Variants in IL10RB observed in about 807,000 individuals in gnomAD.
The protein encoded by IL10RB is interleukin-10 receptor subunit beta.
IL10RB carries 30 observed loss-of-function variants against 38.7 expected under a neutral mutation model. The ratio of observed to expected loss-of-function variants is 0.78; its 90% CI spans 0.58 to 1.05. IL10RB has a LOEUF of 1.05. Among genes scored for constraint, IL10RB ranks in the 50% least tolerant of loss-of-function variants. The pLI is 0.00. For synonymous variants in IL10RB, 142 were observed against 145.9 expected (o/e 0.97, Z 0.19); for missense variants, 328 against 397.1 (o/e 0.83, Z 1.48).
chr21:33,266,556 G>A, intron 1 of IL10RB, 42 bp downstream of exon 1: 1 of 1,531,260 alleles, frequency 6.5e-7, no homozygotes, highest in Non-Finnish European at 8.8e-7. Flanking sequence ...GGAACCGGGA[G>A]GCCCCGCGAG....
At position 33,289,148 on chromosome 21, in the gene IL10RB, C is replaced by T. The variant is rs554065680; in HGVS notation, c.804+887C>T. ...GCGTGTGAACTCCACATTGGCCATGCGCTGGATGTGGGCTACTCCCAGGAA... is the reference window on the plus strand; with the variant it reads ...GCGTGTGAACTCCACATTGGCCATGTGCTGGATGTGGGCTACTCCCAGGAA... On this transcript the variant is annotated intron_variant, in intron 6 of 6. Transcript: ENST00000290200. 1.7e-4 allele frequency among the ~76,000 whole-genome samples: 26 copies of T among 152,258 alleles called. No homozygotes were observed. In the East Asian group the frequency reaches 3.1e-3, roughly 18 times the overall value.
intron 5 of IL10RB, among the ~76,000 whole-genome samples, chr21:33,287,725 A>G (rs541672948): frequency 1.3e-5 from 2 of 152,274 alleles, no homozygotes; most frequent in Non-Finnish European, 1.5e-5. Context: ...TCAATATAGA[A>G]CGAGATGGTG....
At chr21:33,269,777 G>GCCTCCC (rs377597345) in intron 2 of IL10RB, among the ~76,000 whole-genome samples, 47 of 151,528 alleles carry the variant, frequency 3.1e-4, no homozygotes, top group African/African-American at 1.1e-3. Flanking sequence ...TCCTGCCTCA[G>GCCTCCC]CCTCCCGAGT....
rs140424938 is a variant in IL10RB, at chr21:33,270,856, G to A, written c.173+2339G>A. Among the ~76,000 whole-genome samples, 967 of 151,766 alleles carry A rather than the reference G, an allele frequency of 6.4e-3. 13 individuals carry two copies. The highest frequency in any genetic ancestry group is 0.023 in the African/African-American group (936 of 41,334). On this transcript the variant is annotated intron_variant, in intron 2 of 6. Transcript: ENST00000290200. ...TGCCCAACTGATTTTTGTACTTCTA[G>A]CAGAGATGGGGTTTCACCATGTTGG...
chr21:33,279,797 C>T lies in IL10RB; in HGVS notation c.377C>T (p.Ser126Phe). The change falls in exon 4 of 7, where the codon TCT becomes TTT. Residue 126 changes from serine (S) to phenylalanine (F), a missense_variant. Ser to Phe is a radical substitution (Grantham distance 155). Coordinates refer to ENST00000290200, the MANE Select transcript of IL10RB (RefSeq NM_000628.5). ...PGMQVEVLAD[S>F]LHMRFLAPKI... The stretch of plus-strand genomic sequence containing the variant: ...ATGCAAGTAGAAGTACTTGCTGATT[C>T]TTTACATATGCGTTTCTTAGCCCCT... 1 of 1,613,824 alleles carries T rather than the reference C, an allele frequency of 6.2e-7. No individual in the cohort carries two copies. Among genetic ancestry groups the T allele is most frequent in the Non-Finnish European group, 8.5e-7 (1 of 1,179,734 alleles).
intron 1 of IL10RB, among the ~76,000 whole-genome samples, chr21:33,306,572 G>A (rs2082999327): frequency 6.6e-6 from 1 of 152,062 alleles, no homozygotes; most frequent in South Asian, 2.1e-4. Flanking sequence ...TTGGGGGGTG[G>A]GGTTGTTTGG....
Position 33,296,369 on chromosome 21 carries a change from G to A in IL10RB, c.*12G>A. 1 of 1,612,074 alleles carries A rather than the reference G, an allele frequency of 6.2e-7. No individual in the cohort carries two copies. The highest frequency in any genetic ancestry group is 8.5e-7 in the Non-Finnish European group (1 of 1,179,744). ...GGCCCCAAAGCTAGGCTCTGAGAAG[G>A]AAACACACTCGGCTGGGCACAGTGA... On this transcript the variant is annotated 3_prime_UTR_variant, in exon 7 of 7. Coordinates refer to ENST00000290200, the MANE Select transcript of IL10RB (RefSeq NM_000628.5).
At chr21:33,292,684 C>T (rs1215907200) in intron 6 of IL10RB, among the ~76,000 whole-genome samples, 1 of 152,160 alleles carries the variant, frequency 6.6e-6, no homozygotes, top group Non-Finnish European at 1.5e-5. Flanking sequence ...TGCAGATGGC[C>T]CCGCCTGACC....
At chr21:33,274,976 A>G (rs1430371973) in intron 2 of IL10RB, among the ~76,000 whole-genome samples, 1 of 152,122 alleles carries the variant, frequency 6.6e-6, no homozygotes, top group Non-Finnish European at 1.5e-5. Flanking sequence ...TACATTAAAA[A>G]TCTGTTGTTT....
intron 6 of IL10RB, among the ~76,000 whole-genome samples, chr21:33,295,357 G>GAAA (rs59137986): frequency 3.6e-5 from 2 of 55,866 alleles, no homozygotes; most frequent in African/African-American, 6.6e-5. Flanking sequence ...GACTCCGTCT[G>GAAA]AAAAAAAAAA....
chr21:33,283,042 G>T (rs184365370), intron 4 of IL10RB, 52 bp from the exon 5 acceptor site: 1 of 1,413,206 alleles, frequency 7.1e-7, no homozygotes, highest in Non-Finnish European at 1.0e-6. Flanking sequence ...AAAAAAAAAG[G>T]TGGTGCCCTT....
At chr21:33,266,755 G>C (rs1988957476) in intron 1 of IL10RB, among the ~76,000 whole-genome samples, 1 of 152,166 alleles carries the variant, frequency 6.6e-6, no homozygotes, top group African/African-American at 2.4e-5. Flanking sequence ...CTAAACTCAG[G>C]GGGAGACTCC....
At chr21:33,305,251 G>A (rs542594920) in intron 1 of IL10RB, among the ~76,000 whole-genome samples, 4 of 152,034 alleles carry the variant, frequency 2.6e-5, no homozygotes, top group Non-Finnish European at 4.4e-5. Flanking sequence ...AGGAACTACC[G>A]ATGCGCACCA....
chr21:33,266,418 C>A lies in IL10RB; in HGVS notation c.-48C>A. 1 of 1,532,790 alleles carries A rather than the reference C, an allele frequency of 6.5e-7. No homozygotes were observed. Among genetic ancestry groups the A allele is most frequent in the Non-Finnish European group, 8.8e-7 (1 of 1,142,110 alleles). The allele number at this position is 1,532,790 out of a possible 1,614,324, so 94.9% of individuals were successfully genotyped here. ...GCGGACAAGCTCTCCCGGGCGCGGG[C>A]GGGGGTCGTGTGCTTGGAGGAAGCC... On this transcript the variant is annotated 5_prime_UTR_variant, in exon 1 of 7. Coordinates refer to ENST00000290200, the MANE Select transcript of IL10RB (RefSeq NM_000628.5).
Position 33,288,096 on chromosome 21 carries a change from C to T in IL10RB, c.647-8C>T. 6.2e-7 allele frequency: 1 copy of T among 1,613,956 alleles called. No individual in the cohort carries two copies. Among genetic ancestry groups the T allele is most frequent in the South Asian group, 1.1e-5 (1 of 91,068 alleles). The stretch of plus-strand genomic sequence containing the variant: ...ACAAGAATGTAACATGCCCATTACC[C>T]CTGGCAGAAACGGTCCCCTCCTGGA... On this transcript the variant is annotated splice_polypyrimidine_tract_variant and splice_region_variant and intron_variant, in intron 5 of 6. Transcript: ENST00000290200.
chr21:33,271,928 C>T (rs1368260551), intron 2 of IL10RB, among the ~76,000 whole-genome samples: 1 of 149,526 alleles, frequency 6.7e-6, no homozygotes, highest in Non-Finnish European at 1.5e-5. Flanking sequence ...CTTGTCTCTA[C>T]AATTTTTTTT....
At chr21:33,277,022 G>A (rs1459368044) in intron 3 of IL10RB, among the ~76,000 whole-genome samples, 2 of 147,138 alleles carry the variant, frequency 1.4e-5, no homozygotes, top group East Asian at 3.9e-4. Flanking sequence ...GGCCCGTGCT[G>A]TTGAGGAGAA....
chr21:33,275,416 A>G (rs1989153618), intron 2 of IL10RB, among the ~76,000 whole-genome samples: 1 of 152,104 alleles, frequency 6.6e-6, no homozygotes, highest in Non-Finnish European at 1.5e-5. Flanking sequence ...TCAGACTCAC[A>G]AAGTGCTGGG....
At chr21:33,292,894 T>G (rs1386028038) in intron 6 of IL10RB, among the ~76,000 whole-genome samples, 2 of 152,166 alleles carry the variant, frequency 1.3e-5, no homozygotes, top group Non-Finnish European at 2.9e-5. Flanking sequence ...CCATACCTTC[T>G]GCAGGGCCCT....
Sources: gnomAD v4.1 joint callset for allele counts (sites outside exome capture counted in the v4.1 genomes callset) on GRCh38, gnomAD v4.1.1 for gene constraint, MANE v1.5 for transcripts, NCBI Gene and HGNC (gene_info 2026-07-23, HGNC 2026-07-21) for gene names.